The following RANBP2 variants were observed in gnomAD, a reference collection of about 807,000 sequenced individuals.
RANBP2 encodes E3 SUMO-protein ligase RanBP2.
Under a neutral mutation model 303.6 loss-of-function variants are expected in RANBP2, and 57 were observed. The ratio of observed to expected loss-of-function variants is 0.19; its 90% CI spans 0.15 to 0.23. RANBP2 has a LOEUF of 0.23. RANBP2 is among the 10% of genes least tolerant of loss of function. The pLI is 1.00. For missense variants in RANBP2, 3,138 were observed against 3,780.8 expected (o/e 0.83, Z 4.46); for synonymous variants, 1,167 against 1,301.5 (o/e 0.90, Z 2.23).
the RANBP2 span, among the ~76,000 whole-genome samples, chr2:108,966,816 C>A: frequency 6.6e-6 from 1 of 152,188 alleles, no homozygotes; most frequent in Non-Finnish European, 1.5e-5. Flanking sequence ...CTGGGGACCA[C>A]TATTCTTGGC....
At chr2:109,262,620 A>G in the RANBP2 span, among the ~76,000 whole-genome samples, 4 of 152,220 alleles carry the variant, frequency 2.6e-5, no homozygotes, top group South Asian at 2.1e-4. Context: ...TTGTATGTCT[A>G]CAACTTTTGT....
chr2:109,412,598 C>T, the RANBP2 span, among the ~76,000 whole-genome samples: 1 of 152,174 alleles, frequency 6.6e-6, no homozygotes, highest in Non-Finnish European at 1.5e-5. Flanking sequence ...GTCACCCCTG[C>T]CCTTTGTCAG....
At chr2:109,739,307 T>C in the RANBP2 span, among the ~76,000 whole-genome samples, 3 of 145,284 alleles carry the variant, frequency 2.1e-5, no homozygotes, top group African/African-American at 7.7e-5. Flanking sequence ...AGGGATTGCA[T>C]TGAACCTGTA....
At chr2:108,896,669 A>G in the RANBP2 span, 1 of 550,046 alleles carries the variant, frequency 1.8e-6, no homozygotes, top group Non-Finnish European at 3.3e-6. Context: ...GTGAGTAGAT[A>G]TTTACTCTGC....
the RANBP2 span, among the ~76,000 whole-genome samples, chr2:109,148,032 GGTGGTTT>G: frequency 6.6e-6 from 1 of 152,296 alleles, no homozygotes; most frequent in East Asian, 1.9e-4. Context: ...AGGTCAGTCG[GGTGGTTT>G]GTTGCATGGT....
At chr2:109,313,332 G>T in the RANBP2 span, among the ~76,000 whole-genome samples, 1 of 152,224 alleles carries the variant, frequency 6.6e-6, no homozygotes, top group Admixed American at 6.5e-5. Context: ...TGTGTTTCTT[G>T]CTGCATTTAT....
At chr2:109,128,574 C>T in the RANBP2 span, 1 of 152,924 alleles carries the variant, frequency 6.5e-6, no homozygotes, top group Non-Finnish European at 1.5e-5. Flanking sequence ...CACACCTACA[C>T]CGGAACGAAG....
the RANBP2 span, among the ~76,000 whole-genome samples, chr2:109,575,099 G>A: frequency 2.0e-5 from 3 of 152,144 alleles, no homozygotes; most frequent in East Asian, 1.9e-4. Flanking sequence ...TTGTACTTCC[G>A]AAACCATCAG....
At chr2:108,719,894 C>T (rs903424590) in intron 1 of RANBP2, among the ~76,000 whole-genome samples, 1 of 151,810 alleles carries the variant, frequency 6.6e-6, no homozygotes, top group Non-Finnish European at 1.5e-5. Context: ...GCCGGCGCTT[C>T]CTCTTTCTCC....
chr2:108,852,466 G>A, the RANBP2 span, among the ~76,000 whole-genome samples: 4 of 152,164 alleles, frequency 2.6e-5, no homozygotes, highest in Admixed American at 1.3e-4. Context: ...GTTCATTGCA[G>A]CACTGTTCAC....
At chr2:109,091,552 A>C in the RANBP2 span, among the ~76,000 whole-genome samples, 1 of 152,288 alleles carries the variant, frequency 6.6e-6, no homozygotes, top group East Asian at 1.9e-4. Flanking sequence ...GCCTTGATAA[A>C]ATCGGCTCTG....
chr2:109,111,643 T>C, the RANBP2 span, among the ~76,000 whole-genome samples: 1 of 151,816 alleles, frequency 6.6e-6, no homozygotes, highest in Non-Finnish European at 1.5e-5. Flanking sequence ...TTTGTTATTA[T>C]TATTATACTT....
the RANBP2 span, among the ~76,000 whole-genome samples, chr2:108,842,745 A>T: frequency 1.3e-5 from 2 of 152,198 alleles, no homozygotes; most frequent in South Asian, 4.1e-4. Context: ...AACTGGAAAC[A>T]GTGTTAAAAG....
At chr2:109,046,297 C>T in the RANBP2 span, among the ~76,000 whole-genome samples, 2 of 139,806 alleles carry the variant, frequency 1.4e-5, no homozygotes, top group Non-Finnish European at 3.0e-5. Flanking sequence ...GTGCAAGACT[C>T]TGTCTAAAAA....
chr2:109,056,725 T>C, the RANBP2 span, among the ~76,000 whole-genome samples: 7 of 152,198 alleles, frequency 4.6e-5, no homozygotes, highest in Non-Finnish European at 7.3e-5. Context: ...GTAAGCCCCA[T>C]AAGAGTGAAG....
the RANBP2 span, among the ~76,000 whole-genome samples, chr2:108,802,104 C>T: frequency 3.5e-5 from 5 of 144,072 alleles, no homozygotes; most frequent in Admixed American, 7.1e-5. Context: ...ATTGACTTGG[C>T]GATGCGGGCT....
the RANBP2 span, among the ~76,000 whole-genome samples, chr2:109,238,236 G>A: frequency 7.4e-3 from 1,119 of 152,112 alleles, 9 homozygotes; most frequent in South Asian, 0.024. Context: ...TTTTTATGAA[G>A]ACTAATTCAA....
At chr2:109,060,535 G>A in the RANBP2 span, among the ~76,000 whole-genome samples, 5 of 152,140 alleles carry the variant, frequency 3.3e-5, no homozygotes, top group South Asian at 2.1e-4. Flanking sequence ...TCTCTATAGC[G>A]TTTTAAGAAC....
the RANBP2 span, among the ~76,000 whole-genome samples, chr2:109,609,954 C>T: frequency 2.6e-5 from 4 of 152,040 alleles, no homozygotes; most frequent in African/African-American, 7.3e-5. Context: ...AATTATACAG[C>T]CAGGATCTCC....
Sources: allele counts gnomAD v4.1 joint callset (sites outside exome capture counted in the v4.1 genomes callset), GRCh38; gene constraint gnomAD v4.1.1; transcripts MANE v1.5; gene names NCBI Gene and HGNC (gene_info 2026-07-23, HGNC 2026-07-21).